NOX4: variants seen among roughly 807,000 people sequenced by gnomAD.
NOX4 encodes the protein NADPH oxidase 4.
Under a neutral mutation model 87.6 loss-of-function variants are expected in NOX4, and 69 were observed. The observed-to-expected ratio is 0.79, with a 90% CI of 0.65 to 0.96. The LOEUF (loss-of-function observed/expected upper bound fraction) is 0.96, where lower values mean the gene tolerates loss of function less well. Ranked by LOEUF, NOX4 falls within the 40% of genes least tolerant of loss-of-function variation. NOX4 has a pLI of 0.00. For synonymous variants in NOX4, 275 were observed against 238.2 expected (o/e 1.15, Z -1.42); for missense variants, 680 against 681.5 (o/e 1.00, Z 0.02).
intron 2 of NOX4, among the ~76,000 whole-genome samples, chr11:89,457,401 C>T (rs917999598): frequency 1.3e-5 from 2 of 152,216 alleles, no homozygotes; most frequent in South Asian, 4.1e-4. Context: ...AGGACCACTT[C>T]AGGCTCACTC....
At chr11:89,380,230 G>A (rs1035082263) in intron 11 of NOX4, among the ~76,000 whole-genome samples, 1 of 152,028 alleles carries the variant, frequency 6.6e-6, no homozygotes, top group African/African-American at 2.4e-5. Flanking sequence ...GGATGATAAG[G>A]AACAACAAAA....
At chr11:89,584,274 A>G in the NOX4 span, among the ~76,000 whole-genome samples, 24 of 152,154 alleles carry the variant, frequency 1.6e-4, no homozygotes, top group Admixed American at 1.4e-3. Flanking sequence ...GTCTTTATAT[A>G]TCACCGAAGG....
At chr11:89,589,193 C>G in the NOX4 span, among the ~76,000 whole-genome samples, 208 of 152,262 alleles carry the variant, frequency 1.4e-3, 3 homozygotes, top group African/African-American at 4.5e-3. Context: ...TTTTTAAGGA[C>G]TCTGGAGCAT....
chr11:89,425,504 T>C (rs1049766033), intron 7 of NOX4, among the ~76,000 whole-genome samples: 1 of 151,762 alleles, frequency 6.6e-6, no homozygotes, highest in African/African-American at 2.4e-5. Context: ...CGATGTGCTG[T>C]GCCATCAGTA....
intron 11 of NOX4, among the ~76,000 whole-genome samples, chr11:89,395,368 A>C (rs946282455): frequency 6.6e-6 from 1 of 152,002 alleles, no homozygotes; most frequent in African/African-American, 2.4e-5. Flanking sequence ...TTTTCTTGTA[A>C]ATGTGTCTAA....
chr11:89,389,879 T>A (rs1422554902), intron 11 of NOX4, among the ~76,000 whole-genome samples: 1 of 152,148 alleles, frequency 6.6e-6, no homozygotes, highest in Non-Finnish European at 1.5e-5. Context: ...CTGAGCCACA[T>A]TCTTTTCTGT....
At chr11:89,480,977 C>T (rs1171349821) in intron 2 of NOX4, among the ~76,000 whole-genome samples, 3 of 152,012 alleles carry the variant, frequency 2.0e-5, no homozygotes, top group East Asian at 3.9e-4. Context: ...AAACTTTTTG[C>T]CAATAGCAAA....
Position 89,325,909 on chromosome 11 carries a change from A to ATATATATG in NOX4, c.*846_*847insCATATATA, listed in dbSNP as rs1168382024. ...TGTATATATATATATATATATATAT[A>ATATATATG]TGTGTGTGTGTGTGTATATATATAT... On this transcript the variant is annotated 3_prime_UTR_variant, in exon 18 of 18. Transcript: ENST00000263317. The ATATATATG allele has an allele frequency of 6.5e-5, 8 of 122,270 alleles. No individual in the cohort carries two copies. The highest frequency in any genetic ancestry group is 2.3e-4 in the African/African-American group (7 of 30,274). 7.6% of individuals were successfully genotyped at this position (122,270 alleles called of 1,614,324 possible). A position where few individuals can be genotyped will look rare whatever the true frequency, so the allele number is the denominator to read the frequency against.
chr11:89,338,751 T>C (rs1945837929), intron 15 of NOX4, among the ~76,000 whole-genome samples: 1 of 152,120 alleles, frequency 6.6e-6, no homozygotes, highest in Non-Finnish European at 1.5e-5. Context: ...ATTTTTTTTC[T>C]CCAAAATATG....
intron 8 of NOX4, among the ~76,000 whole-genome samples, chr11:89,420,897 C>T (rs1451388015): frequency 1.3e-5 from 2 of 152,220 alleles, no homozygotes; most frequent in East Asian, 3.9e-4. Flanking sequence ...ACCTCAGCCT[C>T]CTTGTGTACA....
At chr11:89,339,683 A>G (rs548860565) in intron 15 of NOX4, among the ~76,000 whole-genome samples, 384 of 152,288 alleles carry the variant, frequency 2.5e-3, no homozygotes, top group African/African-American at 8.9e-3. Flanking sequence ...AAGTGCTATC[A>G]GAACAGAGGA....
intron 12 of NOX4, among the ~76,000 whole-genome samples, chr11:89,359,962 T>G (rs1294308560): frequency 6.6e-6 from 1 of 152,016 alleles, no homozygotes; most frequent in African/African-American, 2.4e-5. Context: ...CAGTTTTAAT[T>G]TTTTTTAAAT....
At chr11:89,465,283 C>T (rs1356093973) in intron 2 of NOX4, among the ~76,000 whole-genome samples, 1 of 152,122 alleles carries the variant, frequency 6.6e-6, no homozygotes, top group East Asian at 1.9e-4. Flanking sequence ...TGGTTTCCAG[C>T]GTCATCCATG....
At chr11:89,415,369 T>C (rs530590414) in intron 8 of NOX4, among the ~76,000 whole-genome samples, 1 of 152,250 alleles carries the variant, frequency 6.6e-6, no homozygotes, top group South Asian at 2.1e-4. Flanking sequence ...GCTTTTATTT[T>C]TCCCACAATG....
chr11:89,340,349 A>T (rs1410435460), intron 14 of NOX4, among the ~76,000 whole-genome samples, 178 bp from the exon 15 acceptor site: 3 of 152,210 alleles, frequency 2.0e-5, no homozygotes, highest in Non-Finnish European at 4.4e-5. Flanking sequence ...ACCTAAATGA[A>T]TTTAATATGC....
intron 11 of NOX4, among the ~76,000 whole-genome samples, chr11:89,390,280 C>G (rs1941035469): frequency 6.6e-6 from 1 of 152,144 alleles, no homozygotes; most frequent in African/African-American, 2.4e-5. Context: ...CTATTTTCCA[C>G]TTATGAAAAC....
intron 12 of NOX4, among the ~76,000 whole-genome samples, chr11:89,369,823 C>T (rs1249685994): frequency 1.3e-5 from 2 of 151,192 alleles, no homozygotes; most frequent in African/African-American, 2.4e-5. Context: ...ATATCTAGTG[C>T]AAGGTGGTTG....
chr11:89,513,777 A>G, the NOX4 span, among the ~76,000 whole-genome samples: 122,723 of 151,998 alleles, frequency 0.81, 50,209 homozygotes, highest in African/African-American at 0.93. Flanking sequence ...TTTGAGATGG[A>G]TGAGTAATCT....
intron 11 of NOX4, among the ~76,000 whole-genome samples, chr11:89,392,619 T>G (rs1941207938): frequency 1.3e-5 from 2 of 152,194 alleles, no homozygotes; most frequent in Non-Finnish European, 2.9e-5. Flanking sequence ...GTCATTTTAA[T>G]TATTGATGAA....
Sources: gnomAD v4.1 joint callset for allele counts (sites outside exome capture counted in the v4.1 genomes callset) on GRCh38, gnomAD v4.1.1 for gene constraint, MANE v1.5 for transcripts, NCBI Gene and HGNC (gene_info 2026-07-23, HGNC 2026-07-21) for gene names.